CNTNAP2: variants seen among roughly 807,000 people sequenced by gnomAD.
The protein encoded by CNTNAP2 is contactin associated protein 2.
CNTNAP2 carries 98 observed loss-of-function variants against 155.2 expected under a neutral mutation model. That is an observed-to-expected ratio of 0.63 (90% confidence interval 0.54 to 0.75). The LOEUF (loss-of-function observed/expected upper bound fraction) is 0.75. Among genes scored for constraint, CNTNAP2 ranks in the 30% least tolerant of loss-of-function variants. The pLI is 0.00. For missense variants in CNTNAP2, 1,727 were observed against 1,688.1 expected (o/e 1.02, Z -0.40); for synonymous variants, 651 against 631.2 (o/e 1.03, Z -0.47).
chr7:148,074,463 G>T (rs1273951762), intron 15 of CNTNAP2, among the ~76,000 whole-genome samples: 1 of 152,138 alleles, frequency 6.6e-6, no homozygotes, highest in East Asian at 1.9e-4. Context: ...GGCCGAGGCG[G>T]GTTGATCACT....
At chr7:148,161,161 A>G (rs973162892) in intron 17 of CNTNAP2, among the ~76,000 whole-genome samples, 1 of 152,166 alleles carries the variant, frequency 6.6e-6, no homozygotes, top group Non-Finnish European at 1.5e-5. Flanking sequence ...CTGTGTCTCC[A>G]ATATCAGGAA....
At chr7:147,597,298 TC>T (rs1242755259) in intron 12 of CNTNAP2, among the ~76,000 whole-genome samples, 1 of 152,128 alleles carries the variant, frequency 6.6e-6, no homozygotes, top group Admixed American at 6.6e-5. Context: ...CTTTCCCCTG[TC>T]CCACCTACCC....
intron 1 of CNTNAP2, among the ~76,000 whole-genome samples, chr7:146,373,903 T>A (rs1454343328): frequency 6.6e-6 from 1 of 152,160 alleles, no homozygotes; most frequent in Non-Finnish European, 1.5e-5. Flanking sequence ...TGAAGAAAAA[T>A]AGTTTTTAAT....
intron 4 of CNTNAP2, among the ~76,000 whole-genome samples, chr7:147,087,909 A>G (rs573089589): frequency 1.4e-4 from 22 of 152,208 alleles, no homozygotes; most frequent in African/African-American, 5.1e-4. Context: ...CCCGGGAGGT[A>G]GAGGTTGCAG....
At chr7:146,737,071 G>A (rs973963714) in intron 1 of CNTNAP2, among the ~76,000 whole-genome samples, 6 of 151,946 alleles carry the variant, frequency 3.9e-5, no homozygotes, top group African/African-American at 7.2e-5. Flanking sequence ...TATTATTTAC[G>A]TGATACTTCA....
chr7:147,444,683 T>A (rs1797702335), intron 10 of CNTNAP2, among the ~76,000 whole-genome samples: 1 of 152,116 alleles, frequency 6.6e-6, no homozygotes, highest in South Asian at 2.1e-4. Context: ...AAAAACTCCA[T>A]GCCAATGAGA....
chr7:146,576,743 A>G (rs1798531331), intron 1 of CNTNAP2, among the ~76,000 whole-genome samples: 1 of 152,198 alleles, frequency 6.6e-6, no homozygotes, highest in Non-Finnish European at 1.5e-5. Context: ...CCATTTCCTC[A>G]TAATCAGGAA....
intron 3 of CNTNAP2, among the ~76,000 whole-genome samples, chr7:146,948,064 C>A (rs1424935988): frequency 1.3e-5 from 2 of 151,888 alleles, no homozygotes; most frequent in Non-Finnish European, 2.9e-5. Flanking sequence ...GTCAAATGAG[C>A]AAAAGGTACA....
chr7:147,769,124 G>T (rs1465864632), intron 13 of CNTNAP2, among the ~76,000 whole-genome samples: 7 of 152,090 alleles, frequency 4.6e-5, no homozygotes, highest in Non-Finnish European at 8.8e-5. Context: ...AGCACATGTG[G>T]TGAAAGATTT....
At chr7:146,939,097 A>AAACTTAACAAATGCTAGGTATTGACC (rs1796990471) in intron 3 of CNTNAP2, among the ~76,000 whole-genome samples, 1 of 152,150 alleles carries the variant, frequency 6.6e-6, no homozygotes, top group Non-Finnish European at 1.5e-5. Context: ...AAAAAATAGA[A>AAACTTAACAAATGCTAGGTATTGACC]AACTTAACAA....
intron 10 of CNTNAP2, among the ~76,000 whole-genome samples, chr7:147,463,251 A>G (rs1390530143): frequency 6.6e-6 from 1 of 152,188 alleles, no homozygotes; most frequent in Non-Finnish European, 1.5e-5. Flanking sequence ...TGTTTAATAT[A>G]TTTGGCCATA....
chr7:148,147,084 G>A (rs1805197866), intron 16 of CNTNAP2, among the ~76,000 whole-genome samples: 1 of 152,158 alleles, frequency 6.6e-6, no homozygotes, highest in Non-Finnish European at 1.5e-5. Context: ...AAGGTAAATT[G>A]TATGTGGAAT....
intron 1 of CNTNAP2, among the ~76,000 whole-genome samples, chr7:146,326,375 A>T (rs1332447427): frequency 6.6e-6 from 1 of 152,228 alleles, no homozygotes; most frequent in African/African-American, 2.4e-5. Flanking sequence ...TTTTGGAGCT[A>T]GCCTTGCATA....
At chr7:147,657,177 C>T (rs1417884244) in intron 13 of CNTNAP2, among the ~76,000 whole-genome samples, 1 of 152,102 alleles carries the variant, frequency 6.6e-6, no homozygotes, top group Non-Finnish European at 1.5e-5. Context: ...TACTTATATG[C>T]TATAGGTGTT....
intron 12 of CNTNAP2, among the ~76,000 whole-genome samples, chr7:147,609,142 T>G (rs993844561): frequency 2.0e-5 from 3 of 152,142 alleles, no homozygotes; most frequent in Non-Finnish European, 2.9e-5. Context: ...TGGGCACTGT[T>G]CTGGGTAGCA....
At chr7:146,779,666 C>T (rs1207273348) in intron 2 of CNTNAP2, among the ~76,000 whole-genome samples, 1 of 152,146 alleles carries the variant, frequency 6.6e-6, no homozygotes, top group Non-Finnish European at 1.5e-5. Flanking sequence ...GTAGATATGT[C>T]TAAGAATCTT....
intron 3 of CNTNAP2, among the ~76,000 whole-genome samples, chr7:146,925,973 G>A (rs1428622944): frequency 2.0e-5 from 3 of 152,018 alleles, no homozygotes; most frequent in African/African-American, 7.2e-5. Context: ...CAATTGTATG[G>A]CACTTCTATC....
chr7:146,903,305 A>G lies in CNTNAP2; in HGVS notation c.402+63401A>G, dbSNP rs554073571. Among the ~76,000 whole-genome samples the G allele has an allele frequency of 1.1e-4, 17 of 152,220 alleles. No homozygotes were observed. The South Asian group carries it at 1.2e-3, about 11-fold the overall frequency. ...ACCCATTTTCACAGCTGTAAACACC[A>G]TTACTATGCTGAAAACTCTCTAATT... On this transcript the variant is annotated intron_variant, in intron 3 of 23. Transcript: ENST00000361727.
chr7:146,193,641 G>A (rs1798738409), intron 1 of CNTNAP2, among the ~76,000 whole-genome samples: 1 of 152,212 alleles, frequency 6.6e-6, no homozygotes, highest in African/African-American at 2.4e-5. Context: ...CTAGGCCACT[G>A]TGCCTGTGAT....
Sources: gnomAD v4.1 joint callset for allele counts (sites outside exome capture counted in the v4.1 genomes callset) on GRCh38, gnomAD v4.1.1 for gene constraint, MANE v1.5 for transcripts, NCBI Gene and HGNC (gene_info 2026-07-23, HGNC 2026-07-21) for gene names.